PDE8A: variants seen among roughly 807,000 people sequenced by gnomAD.
PDE8A encodes high affinity cAMP-specific and IBMX-insensitive 3',5'-cyclic phosphodiesterase 8A.
In PDE8A, 59 loss-of-function variants were observed where a neutral mutation model predicts 105.0. The ratio of observed to expected loss-of-function variants is 0.56; its 90% CI spans 0.46 to 0.70. PDE8A has a LOEUF of 0.70. Among genes scored for constraint, PDE8A ranks in the 30% least tolerant of loss-of-function variants. The pLI is 0.00. For synonymous variants in PDE8A, 355 were observed against 371.9 expected, an observed-to-expected ratio of 0.95 and a Z score of 0.52; for missense variants, 1,014 against 1,045.9, an observed-to-expected ratio of 0.97 and a Z score of 0.42.
chr15:85,023,854 A>G (rs2080468834), intron 1 of PDE8A, among the ~76,000 whole-genome samples: 1 of 152,282 alleles, frequency 6.6e-6, no homozygotes, highest in African/African-American at 2.4e-5. Context: ...AGAGTTGAGC[A>G]GGAATGAAGT....
chr15:85,098,068 A>C, intron 9 of PDE8A, 32 bp downstream of exon 9: 1 of 1,246,384 alleles, frequency 8.0e-7, no homozygotes, highest in Non-Finnish European at 1.2e-6. Flanking sequence ...ATCAATCAAC[A>C]TACAGTGTTT....
intron 19 of PDE8A, 99 bp downstream of exon 19, chr15:85,123,292 C>A: frequency 2.0e-6 from 2 of 1,024,162 alleles, no homozygotes; most frequent in Non-Finnish European, 1.5e-6. Flanking sequence ...AGAAGGGTTC[C>A]CTCAGTGAGT....
At chr15:85,125,600 G>A (rs368649311) in intron 19 of PDE8A, among the ~76,000 whole-genome samples, 4 of 152,152 alleles carry the variant, frequency 2.6e-5, no homozygotes, top group African/African-American at 7.2e-5. Context: ...TTTGTAAAAT[G>A]TAATAAATAA....
chr15:85,038,842 C>G (rs1242944415), intron 1 of PDE8A, among the ~76,000 whole-genome samples: 1 of 152,182 alleles, frequency 6.6e-6, no homozygotes, highest in African/African-American at 2.4e-5. Flanking sequence ...AAAGATAAGG[C>G]TGAGGCCGGT....
chr15:85,006,238 A>G (rs2080145071), intron 1 of PDE8A, among the ~76,000 whole-genome samples: 1 of 152,122 alleles, frequency 6.6e-6, no homozygotes. Flanking sequence ...CATTGTGCAC[A>G]TGTACCCTAA....
chr15:85,025,253 T>A (rs189183526), intron 1 of PDE8A, among the ~76,000 whole-genome samples: 1 of 152,270 alleles, frequency 6.6e-6, no homozygotes, highest in African/African-American at 2.4e-5. Flanking sequence ...TTGAACTGGA[T>A]CACTTTGCTT....
chr15:84,986,146 GAGGTAAGA>G (rs1381446468), intron 1 of PDE8A, among the ~76,000 whole-genome samples: 7 of 152,164 alleles, frequency 4.6e-5, no homozygotes, highest in Admixed American at 1.3e-4. Context: ...AGGATCACCT[GAGGTAAGA>G]AGTTCAAGGT....
intron 1 of PDE8A, among the ~76,000 whole-genome samples, chr15:85,024,704 C>G (rs527532531): frequency 2.6e-5 from 4 of 152,300 alleles, no homozygotes; most frequent in Admixed American, 6.5e-5. Flanking sequence ...CAGTAGTTTG[C>G]CCATGCATTT....
chr15:84,992,023 A>G (rs1006324976), intron 1 of PDE8A, among the ~76,000 whole-genome samples: 2 of 152,222 alleles, frequency 1.3e-5, no homozygotes, highest in Non-Finnish European at 2.9e-5. Flanking sequence ...ATATATAGTA[A>G]TACACACATA....
intron 11 of PDE8A, among the ~76,000 whole-genome samples, chr15:85,101,087 G>A (rs2081855229): frequency 6.6e-6 from 1 of 152,236 alleles, no homozygotes; most frequent in Admixed American, 6.5e-5. Context: ...AAGGAGGTAA[G>A]CATTTTTAGG....
At chr15:85,055,263 G>C (rs985287850) in intron 1 of PDE8A, among the ~76,000 whole-genome samples, 1 of 152,192 alleles carries the variant, frequency 6.6e-6, no homozygotes, top group African/African-American at 2.4e-5. Flanking sequence ...GTGTGATGTG[G>C]TGGTGAGAAG....
chr15:85,118,452 G>A (rs879794222), intron 17 of PDE8A, among the ~76,000 whole-genome samples: 7 of 152,044 alleles, frequency 4.6e-5, no homozygotes, highest in Admixed American at 2.6e-4. Context: ...CAATCCTTTC[G>A]CATCTGGGCA....
intron 8 of PDE8A, among the ~76,000 whole-genome samples, chr15:85,097,533 G>T (rs1172334743): frequency 6.6e-6 from 1 of 152,206 alleles, no homozygotes; most frequent in Admixed American, 6.5e-5. Flanking sequence ...TCAGAAGCCG[G>T]TAGTGGCCAC....
chr15:85,095,813 A>G (rs577114494), intron 8 of PDE8A, among the ~76,000 whole-genome samples: 9 of 151,624 alleles, frequency 5.9e-5, no homozygotes, highest in Non-Finnish European at 1.2e-4. Flanking sequence ...TTGACTTGGG[A>G]TCGCTCAGTC....
rs191951926 is a variant in PDE8A at position 85,078,121 on chromosome 15, A to G, written c.546+1334A>G. Among the ~76,000 whole-genome samples the G allele has an allele frequency of 9.7e-4, 145 of 150,210 alleles. 1 individual carries two copies. Among genetic ancestry groups the G allele is most frequent in the African/African-American group, 3.5e-3 (141 of 40,394 alleles). On this transcript the variant is annotated intron_variant, in intron 5 of 21. Transcript: ENST00000394553. ...TATCCAAAGTAGAGTAAATTTTAAA[A>G]GAGGACACATCCTAGTGAAACTGCA...
At chr15:85,092,943 A>G (rs1393729229) in intron 8 of PDE8A, among the ~76,000 whole-genome samples, 1 of 146,242 alleles carries the variant, frequency 6.8e-6, no homozygotes, top group Non-Finnish European at 1.5e-5. Context: ...TTTTCTTGAG[A>G]CAGGGTCTCA....
At chr15:85,133,912 C>G (rs1008748262) in intron 20 of PDE8A, among the ~76,000 whole-genome samples, 2 of 152,108 alleles carry the variant, frequency 1.3e-5, no homozygotes, top group Non-Finnish European at 2.9e-5. Context: ...GTACCACTTG[C>G]CTGGCTCTGT....
chr15:85,111,236 T>C (rs1331235889), intron 12 of PDE8A, among the ~76,000 whole-genome samples: 1 of 152,240 alleles, frequency 6.6e-6, no homozygotes, highest in Admixed American at 6.5e-5. Flanking sequence ...AAATTTATTT[T>C]ATCAGGTTTT....
intron 1 of PDE8A, among the ~76,000 whole-genome samples, chr15:85,009,810 T>C (rs1481713959): frequency 1.3e-5 from 2 of 152,206 alleles, no homozygotes; most frequent in South Asian, 2.1e-4. Context: ...TGTGTAGATA[T>C]GTTCACCAAA....
Sources: allele counts gnomAD v4.1 joint callset (sites outside exome capture counted in the v4.1 genomes callset), GRCh38; gene constraint gnomAD v4.1.1; transcripts MANE v1.5; gene names NCBI Gene and HGNC (gene_info 2026-07-23, HGNC 2026-07-21).